Variants in COL9A1 observed in about 807,000 individuals in gnomAD.
COL9A1 encodes the protein collagen type IX alpha 1 chain, also known as collagen alpha-1(IX) chain.
A neutral mutation model predicts 142.6 loss-of-function variants in COL9A1; 104 were observed. The observed-to-expected ratio is 0.73, with a 90% CI of 0.62 to 0.86. The LOEUF is 0.86. Ranked by LOEUF, COL9A1 falls within the 40% of genes least tolerant of loss-of-function variation. COL9A1 has a pLI of 0.00. For missense variants in COL9A1, 1,210 were observed against 1,176.6 expected, an observed-to-expected ratio of 1.03 and a Z score of -0.42; for synonymous variants, 466 against 396.0, an observed-to-expected ratio of 1.18 and a Z score of -2.10.
chr6:70,302,024 G>A lies in COL9A1; in HGVS notation c.65C>T (p.Ser22Phe). Residue 22 changes from serine to phenylalanine, a missense_variant, in exon 2 of 38, where the codon TCT (serine) becomes TTT (phenylalanine). Ser to Phe is a radical substitution (Grantham distance 155). Transcript: ENST00000357250. ...FVCSFLEPWA[S>F]AAVKRRPRFP... The stretch of plus-strand genomic sequence containing the variant: ...ACTGGGGCGACGCTTGACAGCTGCA[G>A]ATGCCCAGGGTTCCAGGAAACTGCA... 6.2e-7 allele frequency: 1 copy of A among 1,611,764 alleles called. No homozygotes were observed.
intron 33 of COL9A1, among the ~76,000 whole-genome samples, 162 bp downstream of exon 33, chr6:70,239,092 T>A (rs1436306797): frequency 6.6e-6 from 1 of 152,124 alleles, no homozygotes. Flanking sequence ...TGAGCCAAGA[T>A]TGCACCACTG....
At chr6:70,281,309 A>T in intron 8 of COL9A1, 81 bp downstream of exon 8, 1 of 1,418,992 alleles carries the variant, frequency 7.0e-7, no homozygotes, top group Non-Finnish European at 9.7e-7. Flanking sequence ...TGAAAAAAAA[A>T]AAAACCCCAC....
intron 14 of COL9A1, 77 bp downstream of exon 14, chr6:70,271,578 T>C: frequency 7.7e-7 from 1 of 1,302,976 alleles, no homozygotes; most frequent in Non-Finnish European, 1.1e-6. Context: ...AAATGTACAG[T>C]TAGGGTAATT....
At chr6:70,301,647 A>G (rs913314513) in intron 2 of COL9A1, among the ~76,000 whole-genome samples, 2 of 151,916 alleles carry the variant, frequency 1.3e-5, no homozygotes, top group East Asian at 1.9e-4. Flanking sequence ...TGCTCTTTAT[A>G]CTCTCCTCAC....
At chr6:70,283,329 G>A in intron 6 of COL9A1, 1 of 1,143,508 alleles carries the variant, frequency 8.7e-7, no homozygotes, top group Non-Finnish European at 1.2e-6. Flanking sequence ...CGCCGCACAG[G>A]CGAGGACTGA....
chr6:70,257,038 C>G (rs1247072988), intron 20 of COL9A1, among the ~76,000 whole-genome samples: 1 of 149,306 alleles, frequency 6.7e-6, no homozygotes. Context: ...ATCTTTGATG[C>G]CACTCTGTAA....
intron 5 of COL9A1, among the ~76,000 whole-genome samples, chr6:70,284,524 A>G (rs940932017): frequency 6.6e-6 from 1 of 152,194 alleles, no homozygotes; most frequent in African/African-American, 2.4e-5. Flanking sequence ...TTGAAATCCA[A>G]ATGTGTTCTG....
chr6:70,229,007 ATAAAT>A (rs928717551), intron 36 of COL9A1, among the ~76,000 whole-genome samples: 1 of 152,284 alleles, frequency 6.6e-6, no homozygotes, highest in South Asian at 2.1e-4. Context: ...GATGAAGATT[ATAAAT>A]TAAAGTGTGG....
intron 10 of COL9A1, among the ~76,000 whole-genome samples, chr6:70,278,824 A>G (rs1772929235): frequency 6.6e-6 from 1 of 152,362 alleles, no homozygotes; most frequent in African/African-American, 2.4e-5. Flanking sequence ...TTGTTTATCC[A>G]AAGTTTCTGT....
At chr6:70,264,510 G>C (rs1225679829) in intron 18 of COL9A1, among the ~76,000 whole-genome samples, 1 of 152,060 alleles carries the variant, frequency 6.6e-6, no homozygotes, top group Non-Finnish European at 1.5e-5. Context: ...TCTTGGCACA[G>C]ATAATCATCA....
rs1195340859 is a variant in COL9A1, at chr6:70,263,189, G to GA, written c.1395+54dup. On this transcript the variant is annotated intron_variant, in intron 19 of 37. Transcript: ENST00000357250. Reference sequence around the variant, plus strand: ...AAATAGAAAATATTCCAACAGTCATGAAAAAAAAGAATATTTACATATCCT... The same window carrying GA: ...AAATAGAAAATATTCCAACAGTCATGAAAAAAAAAGAATATTTACATATCCT... 4.3e-4 allele frequency: 578 copies of GA among 1,342,540 alleles called. 1 individual carries two copies. The highest frequency in any genetic ancestry group is 4.6e-4 in the Non-Finnish European group (443 of 967,172). 83.2% of individuals were successfully genotyped at this position (1,342,540 alleles called of 1,614,324 possible).
At chr6:70,239,723 C>T (rs1371297056) in intron 32 of COL9A1, among the ~76,000 whole-genome samples, 1 of 152,184 alleles carries the variant, frequency 6.6e-6, no homozygotes, top group Non-Finnish European at 1.5e-5. Flanking sequence ...CCAAATATGC[C>T]TGTTTTTATG....
chr6:70,217,479 T>A (rs1768599492), intron 37 of COL9A1, among the ~76,000 whole-genome samples: 1 of 152,234 alleles, frequency 6.6e-6, no homozygotes, highest in Non-Finnish European at 1.5e-5. Flanking sequence ...AGTTCATTAA[T>A]AATTTTTGTG....
intron 12 of COL9A1, 96 bp downstream of exon 12, chr6:70,273,951 A>ATAAG (rs1772571348): frequency 1.7e-6 from 1 of 593,746 alleles, no homozygotes; most frequent in African/African-American, 2.2e-5. Flanking sequence ...TAATAAATAA[A>ATAAG]TAAATAAATA....
intron 19 of COL9A1, among the ~76,000 whole-genome samples, chr6:70,261,638 A>T (rs542754151): frequency 5.9e-5 from 9 of 152,324 alleles, no homozygotes; most frequent in Admixed American, 3.3e-4. Flanking sequence ...ATCAGTCAGG[A>T]ATGACCTCCA....
At chr6:70,268,750 G>A in intron 17 of COL9A1, 54 bp downstream of exon 17, 1 of 1,518,772 alleles carries the variant, frequency 6.6e-7, no homozygotes, top group Non-Finnish European at 9.1e-7. Flanking sequence ...TAAAGTAAAG[G>A]CTCCATTTTA....
At chr6:70,280,456 G>A (rs1407292773) in intron 10 of COL9A1, 6 of 1,241,734 alleles carry the variant, frequency 4.8e-6, no homozygotes, top group East Asian at 4.0e-5. Context: ...CAGCAGGTAA[G>A]CCGAAGCCAG....
rs556422018 is a variant in COL9A1, at chr6:70,301,154, G to A, written c.89-768C>T. On this transcript the variant is annotated intron_variant, in intron 2 of 37. Coordinates refer to ENST00000357250, the MANE Select transcript of COL9A1 (RefSeq NM_001851.6). The stretch of plus-strand genomic sequence containing the variant: ...GGAATTGTGTTCTCCTTACACAAAT[G>A]GAAGGTCAAAGGGAAGAGAGATTTT... 2.1e-4 allele frequency among the ~76,000 whole-genome samples: 32 copies of A among 152,286 alleles called. 1 individual carries two copies. Among genetic ancestry groups the A allele is most frequent in the Non-Finnish European group, 4.1e-4 (28 of 68,022 alleles).
At chr6:70,279,666 A>AAAAAAAAC (rs1562322878) in intron 10 of COL9A1, 1 of 170,738 alleles carries the variant, frequency 5.9e-6, no homozygotes, top group African/African-American at 2.6e-5. Flanking sequence ...AAAAAAAAAA[A>AAAAAAAAC]AAAACACATA....
Sources: gnomAD v4.1 joint callset for allele counts (sites outside exome capture counted in the v4.1 genomes callset) on GRCh38, gnomAD v4.1.1 for gene constraint, MANE v1.5 for transcripts, NCBI Gene and HGNC (gene_info 2026-07-23, HGNC 2026-07-21) for gene names.